The following GPC5 variants were observed in gnomAD, a reference collection of about 807,000 sequenced individuals.
GPC5 encodes the protein glypican 5.
A neutral mutation model predicts 53.9 loss-of-function variants in GPC5; 47 were observed. The observed-to-expected ratio is 0.87, with a 90% CI of 0.69 to 1.11. The LOEUF is 1.11. GPC5 is among the 50% of genes most tolerant of loss of function. The probability of loss-of-function intolerance (pLI) is 0.00; values close to 1 mark genes in which losing one functional copy is unlikely to be tolerated. For synonymous variants in GPC5, 286 were observed against 263.3 expected (o/e 1.09, Z -0.84); for missense variants, 748 against 713.1 (o/e 1.05, Z -0.56).
chr13:92,488,005 T>A (rs1349824282), intron 7 of GPC5, among the ~76,000 whole-genome samples: 4 of 152,090 alleles, frequency 2.6e-5, no homozygotes, highest in Non-Finnish European at 5.9e-5. Context: ...TATGTGCAAT[T>A]TTTGAAGTCA....
intron 4 of GPC5, among the ~76,000 whole-genome samples, chr13:91,752,461 A>G (rs941679560): frequency 6.6e-6 from 1 of 152,224 alleles, no homozygotes. Flanking sequence ...TGGTGGTGGC[A>G]GGAGGTGATA....
chr13:92,037,940 A>G (rs2040906952), intron 6 of GPC5, among the ~76,000 whole-genome samples: 1 of 152,102 alleles, frequency 6.6e-6, no homozygotes. Flanking sequence ...TTATATCTAA[A>G]AATGATCGTT....
intron 7 of GPC5, among the ~76,000 whole-genome samples, chr13:92,411,450 T>C (rs1876039544): frequency 6.6e-6 from 1 of 152,198 alleles, no homozygotes; most frequent in Admixed American, 6.5e-5. Context: ...CTGAGAATTG[T>C]TCCATGTAAA....
rs554572197 is a variant in GPC5, at chr13:91,620,862, G to T, written c.326-72325G>T. 2.0e-5 allele frequency among the ~76,000 whole-genome samples: 3 copies of T among 152,230 alleles called. No individual in the cohort carries two copies. The East Asian group carries it at 5.8e-4, about 29-fold the overall frequency. Reference sequence around the variant, plus strand: ...TACCTTCATTTGCTTTGAGGCTTTTGCTATATTAGATCCTAAAGATGGTCT... The same window carrying T: ...TACCTTCATTTGCTTTGAGGCTTTTTCTATATTAGATCCTAAAGATGGTCT... On this transcript the variant is annotated intron_variant, in intron 2 of 7. Transcript: ENST00000377067.
chr13:92,478,255 T>C (rs553429666), intron 7 of GPC5, among the ~76,000 whole-genome samples: 1 of 152,318 alleles, frequency 6.6e-6, no homozygotes, highest in East Asian at 1.9e-4. Context: ...ATAGTTAATA[T>C]AAGCCTTCAA....
chr13:92,329,195 G>C (rs1200585158), intron 7 of GPC5, among the ~76,000 whole-genome samples: 2 of 152,106 alleles, frequency 1.3e-5, no homozygotes, highest in Admixed American at 1.3e-4. Flanking sequence ...TGATAAATAA[G>C]GCAGGCTTAC....
chr13:92,173,011 T>C (rs1473267864), intron 7 of GPC5, among the ~76,000 whole-genome samples: 5 of 150,000 alleles, frequency 3.3e-5, no homozygotes, highest in African/African-American at 7.3e-5. Flanking sequence ...AACTCTTAAG[T>C]CTTATTACAT....
intron 7 of GPC5, among the ~76,000 whole-genome samples, chr13:92,676,063 C>T (rs190684645): frequency 2.9e-3 from 448 of 152,134 alleles, no homozygotes; most frequent in Non-Finnish European, 4.7e-3. Flanking sequence ...ATATTTTTTG[C>T]CATGAATTTC....
intron 2 of GPC5, among the ~76,000 whole-genome samples, chr13:91,609,043 C>T (rs1323247223): frequency 6.9e-6 from 1 of 145,380 alleles, no homozygotes; most frequent in Non-Finnish European, 1.5e-5. Flanking sequence ...CCAGCAATCT[C>T]TAATGACACA....
intron 7 of GPC5, among the ~76,000 whole-genome samples, chr13:92,367,893 T>C (rs2043618589): frequency 6.6e-6 from 1 of 152,142 alleles, no homozygotes; most frequent in Non-Finnish European, 1.5e-5. Context: ...TCCAAGATAG[T>C]CCTTCTTCTG....
In GPC5 at chr13:91,912,797, CT is replaced by C. The variant is rs200567995; in HGVS notation, c.1401+4748del. ...AGTAGACGTAAAATATTTTTGGCAT[CT>C]TTTTTTTCCTTGTAATACATTCTAC... is the stretch of plus-strand genomic sequence containing the variant. On this transcript the variant is annotated intron_variant, in intron 6 of 7. Transcript: ENST00000377067. Among the ~76,000 whole-genome samples, 52 of 152,068 alleles carry C rather than the reference CT, an allele frequency of 3.4e-4. No individual in the cohort carries two copies. In the East Asian group the frequency reaches 7.0e-3, roughly 20 times the overall value.
At chr13:91,501,240 G>A (rs111333765) in intron 2 of GPC5, among the ~76,000 whole-genome samples, 1 of 106,442 alleles carries the variant, frequency 9.4e-6, no homozygotes, top group Non-Finnish European at 2.2e-5. Flanking sequence ...TTAAGACTTT[G>A]TTTTTTTTTT....
At chr13:92,501,627 G>A (rs1371829790) in intron 7 of GPC5, among the ~76,000 whole-genome samples, 2 of 152,014 alleles carry the variant, frequency 1.3e-5, no homozygotes, top group African/African-American at 2.4e-5. Flanking sequence ...ACCCAAAGAA[G>A]TGTGGGCCGA....
At chr13:92,740,960 G>GTATATATATATATATATATATATA (rs1555308306) in intron 7 of GPC5, among the ~76,000 whole-genome samples, 24 of 117,698 alleles carry the variant, frequency 2.0e-4, no homozygotes, top group African/African-American at 5.6e-4. Context: ...ATATGTATGT[G>GTATATATATATATATATATATATA]TATATATATA....
rs568862080 is a variant in GPC5 at position 92,594,096 on chromosome 13, A to G, written c.1562-272186A>G. Among the ~76,000 whole-genome samples, 16 of 152,304 alleles carry G rather than the reference A, an allele frequency of 1.1e-4. 2 individuals are homozygous for G. The highest frequency in any genetic ancestry group is 3.8e-4 in the African/African-American group (16 of 41,568). The stretch of plus-strand genomic sequence containing the variant: ...CTGATTCAGTAGGCCAGAGAAGGTA[A>G]AATGTAACCCTATATCCAGATTGCC... On this transcript the variant is annotated intron_variant, in intron 7 of 7. Transcript: ENST00000377067.
At chr13:91,497,828 G>C (rs531341956) in intron 2 of GPC5, among the ~76,000 whole-genome samples, 1 of 152,266 alleles carries the variant, frequency 6.6e-6, no homozygotes, top group Non-Finnish European at 1.5e-5. Context: ...TGGGTACATA[G>C]TAGGTGAATA....
intron 7 of GPC5, among the ~76,000 whole-genome samples, chr13:92,694,795 A>G (rs1338672857): frequency 1.3e-5 from 2 of 152,150 alleles, no homozygotes; most frequent in South Asian, 4.1e-4. Flanking sequence ...TTGAAATGTG[A>G]AAATGACCTG....
At chr13:91,577,985 T>A (rs1414652570) in intron 2 of GPC5, among the ~76,000 whole-genome samples, 1 of 152,220 alleles carries the variant, frequency 6.6e-6, no homozygotes, top group Non-Finnish European at 1.5e-5. Context: ...GTGATTTCTG[T>A]GGCTAGGCCA....
At chr13:92,848,050 A>G (rs1242311801) in intron 7 of GPC5, among the ~76,000 whole-genome samples, 3 of 152,210 alleles carry the variant, frequency 2.0e-5, no homozygotes, top group Non-Finnish European at 4.4e-5. Context: ...CGTAGAACTG[A>G]GAGTCAGGAG....
Sources: allele counts gnomAD v4.1 joint callset (sites outside exome capture counted in the v4.1 genomes callset), GRCh38; gene constraint gnomAD v4.1.1; transcripts MANE v1.5; gene names NCBI Gene and HGNC (gene_info 2026-07-23, HGNC 2026-07-21).